TMEM233: variants seen among roughly 807,000 people sequenced by gnomAD.
TMEM233 encodes transmembrane protein 233.
In TMEM233, 6 loss-of-function variants were observed where a neutral mutation model predicts 11.2. The observed-to-expected ratio is 0.54, with a 90% confidence interval of 0.29 to 1.06. TMEM233 has a LOEUF of 1.06. Ranked by LOEUF, TMEM233 falls within the 50% of genes least tolerant of loss-of-function variation. TMEM233 has a pLI of 0.08. For missense variants in TMEM233, 127 were observed against 144.7 expected, an observed-to-expected ratio of 0.88 and a Z score of 0.63; for synonymous variants, 59 against 55.8, an observed-to-expected ratio of 1.06 and a Z score of -0.26.
chr12:119,646,357 C>T (rs931426625), downstream of TMEM233, among the ~76,000 whole-genome samples: 4 of 152,194 alleles, frequency 2.6e-5, no homozygotes, highest in African/African-American at 4.8e-5. Flanking sequence ...CGGCACCAGT[C>T]CTACAGTAGC....
chr12:119,612,523 C>A (rs983200474), intron 1 of TMEM233, among the ~76,000 whole-genome samples: 1 of 151,884 alleles, frequency 6.6e-6, no homozygotes, highest in Non-Finnish European at 1.5e-5. Flanking sequence ...CTGAGGCAGG[C>A]GGATCACGAG....
chr12:119,635,325 G>T (rs987196007), intron 2 of TMEM233, among the ~76,000 whole-genome samples: 2 of 152,116 alleles, frequency 1.3e-5, no homozygotes, highest in East Asian at 3.8e-4. Context: ...TTCCTGAGTA[G>T]CCTGGAAATA....
chr12:119,602,738 A>C (rs73410147), intron 1 of TMEM233, among the ~76,000 whole-genome samples: 1 of 152,304 alleles, frequency 6.6e-6, no homozygotes, highest in Admixed American at 6.5e-5. Context: ...TCAAGATGTA[A>C]ATCTGTGTGC....
intron 1 of TMEM233, among the ~76,000 whole-genome samples, chr12:119,618,716 C>T (rs1004120264): frequency 4.6e-5 from 7 of 152,166 alleles, no homozygotes; most frequent in African/African-American, 1.7e-4. Flanking sequence ...GATGTATTTG[C>T]CCAATGCCTG....
intron 1 of TMEM233, among the ~76,000 whole-genome samples, chr12:119,610,092 C>T (rs1293468806): frequency 6.6e-6 from 1 of 152,236 alleles, no homozygotes; most frequent in African/African-American, 2.4e-5. Context: ...TGGGAGCCCA[C>T]CTCTTGTATC....
chr12:119,648,652 A>G, the TMEM233 span, among the ~76,000 whole-genome samples: 1 of 152,142 alleles, frequency 6.6e-6, no homozygotes, highest in Admixed American at 6.5e-5. Flanking sequence ...ATGAGCCCCC[A>G]TGAGGGCAGG....
At chr12:119,621,724 T>G (rs1336118862) in intron 1 of TMEM233, among the ~76,000 whole-genome samples, 4 of 152,344 alleles carry the variant, frequency 2.6e-5, no homozygotes, top group African/African-American at 9.6e-5. Context: ...TGGCATATAC[T>G]AAATGCCTCA....
intron 1 of TMEM233, among the ~76,000 whole-genome samples, chr12:119,599,236 G>A (rs1054910006): frequency 6.6e-6 from 1 of 152,302 alleles, no homozygotes; most frequent in South Asian, 2.1e-4. Context: ...ACAATAGGGT[G>A]ACTGTAGTCA....
the TMEM233 span, among the ~76,000 whole-genome samples, chr12:119,649,854 T>TA: frequency 0.021 from 1,912 of 91,290 alleles, 69 homozygotes; most frequent in African/African-American, 0.064. Flanking sequence ...GTTTAACTAT[T>TA]AAAAAAAAAA....
chr12:119,601,593 G>C (rs1243566215), intron 1 of TMEM233, among the ~76,000 whole-genome samples: 1 of 149,674 alleles, frequency 6.7e-6, no homozygotes, highest in Non-Finnish European at 1.5e-5. Flanking sequence ...GAGAGCCGGA[G>C]CTTGCAGTGA....
At chr12:119,644,074 A>T (rs367700032), downstream of TMEM233, among the ~76,000 whole-genome samples, 3 of 152,204 alleles carry the variant, frequency 2.0e-5, no homozygotes, top group Admixed American at 2.0e-4. Context: ...CAGGGGGGAA[A>T]AATGGTTCAA....
chr12:119,613,015 G>C (rs180929026), intron 1 of TMEM233, among the ~76,000 whole-genome samples: 3 of 151,920 alleles, frequency 2.0e-5, no homozygotes, highest in Admixed American at 2.0e-4. Context: ...CAACGTGCAG[G>C]CTTGTTATGT....
chr12:119,644,570 C>T (rs374913746), downstream of TMEM233, among the ~76,000 whole-genome samples: 19 of 151,502 alleles, frequency 1.3e-4, no homozygotes, highest in East Asian at 1.6e-3. Flanking sequence ...CTCCACCTCC[C>T]GGGTTCAAGC....
downstream of TMEM233, among the ~76,000 whole-genome samples, chr12:119,644,478 C>CTTT (rs58075242): frequency 1.6e-5 from 2 of 127,004 alleles, no homozygotes; most frequent in Non-Finnish European, 3.3e-5. Flanking sequence ...TTTTTCTTTT[C>CTTT]TTTTTTTTTT....
At chr12:119,645,174 C>A (rs1165737091), downstream of TMEM233, among the ~76,000 whole-genome samples, 1 of 152,108 alleles carries the variant, frequency 6.6e-6, no homozygotes, top group Non-Finnish European at 1.5e-5. Flanking sequence ...TATAAAATCG[C>A]TGGCCTCAGC....
intron 2 of TMEM233, among the ~76,000 whole-genome samples, chr12:119,638,530 A>G (rs949559227): frequency 2.6e-5 from 4 of 152,158 alleles, no homozygotes; most frequent in African/African-American, 9.7e-5. Flanking sequence ...TTAAATTAGA[A>G]TCTCCAGTAA....
In TMEM233 at chr12:119,642,345, G is replaced by C. The variant is rs972305106; in HGVS notation, c.*1640G>C. 8 of 152,254 alleles carry C rather than the reference G, an allele frequency of 5.3e-5. No individual in the cohort carries two copies. Among genetic ancestry groups the C allele is most frequent in the Non-Finnish European group, 1.0e-4 (7 of 68,062 alleles). The allele number at this position is 152,254 out of a possible 1,614,324, so 9.4% of individuals were successfully genotyped here. A position where few individuals can be genotyped will look rare whatever the true frequency, so the allele number is the denominator to read the frequency against. On this transcript the variant is annotated 3_prime_UTR_variant, in exon 3 of 3. Transcript: ENST00000426426. ...GCCTGTAATCCCAGCTAATAGAGAG[G>C]CTGAGGCAGGAGAATCACTTGAATC...
At chr12:119,604,304 G>A (rs1482751501) in intron 1 of TMEM233, among the ~76,000 whole-genome samples, 1 of 152,188 alleles carries the variant, frequency 6.6e-6, no homozygotes, top group Non-Finnish European at 1.5e-5. Context: ...GCTGAGTTGA[G>A]CAAAAGTTAA....
At chr12:119,635,910 G>A (rs964026127) in intron 2 of TMEM233, among the ~76,000 whole-genome samples, 12 of 152,202 alleles carry the variant, frequency 7.9e-5, no homozygotes, top group Admixed American at 7.9e-4. Context: ...TATAGAGGAA[G>A]GGGCGTGGTG....
Sources: allele counts gnomAD v4.1 joint callset (sites outside exome capture counted in the v4.1 genomes callset), GRCh38; gene constraint gnomAD v4.1.1; transcripts MANE v1.5; gene names NCBI Gene and HGNC (gene_info 2026-07-23, HGNC 2026-07-21).